The following GABRR1 variants were observed in gnomAD, a reference collection of about 807,000 sequenced individuals.
GABRR1 encodes the protein gamma-aminobutyric acid type A receptor subunit rho1.
GABRR1 carries 59 observed loss-of-function variants against 55.5 expected under a neutral mutation model. The observed-to-expected ratio is 1.06, with a 90% confidence interval of 0.86 to 1.32. The LOEUF (loss-of-function observed/expected upper bound fraction) is 1.32. Ranked by LOEUF, GABRR1 falls within the 40% of genes most tolerant of loss-of-function variation. The pLI is 0.00. For synonymous variants in GABRR1, 213 were observed against 226.0 expected (o/e 0.94, Z 0.51); for missense variants, 602 against 619.1 (o/e 0.97, Z 0.29).
intron 4 of GABRR1, 141 bp downstream of exon 4, chr6:89,199,221 G>C: frequency 1.3e-6 from 1 of 743,880 alleles, no homozygotes; most frequent in Non-Finnish European, 2.4e-6. Context: ...AAATCTTCCT[G>C]AGCCATCTGA....
At chr6:89,231,267 T>G (rs1304979468) in exon 1 of GABRR1, 1 of 153,802 alleles carries the variant, frequency 6.5e-6, no homozygotes. Context: ...CTGTTCCTAT[T>G]CGGCCATCTT....
In GABRR1 at chr6:89,179,021, G is replaced by C. The variant is rs1771630635; in HGVS notation, c.1189C>G (p.Leu397Val). The change falls in exon 10 of 10, where the codon CTG becomes GTG. Residue 397 changes from leucine (L) to valine (V), a missense_variant. Coordinates refer to ENST00000454853, the MANE Select transcript of GABRR1 (RefSeq NM_002042.5). ...SGLPPPRTAM[L>V]DGNYSDGEVN... ...TCCCCATCACTGTAGTTGCCGTCCA[G>C]CATCGCAGTGCGGGGCGGAGGTAAT... 4 of 1,614,034 alleles carry C rather than the reference G, an allele frequency of 2.5e-6. No individual in the cohort carries two copies. The African/African-American group carries it at 5.3e-5, about 22-fold the overall frequency.
At chr6:89,187,400 A>T (rs1430627028) in intron 6 of GABRR1, among the ~76,000 whole-genome samples, 1 of 152,202 alleles carries the variant, frequency 6.6e-6, no homozygotes, top group Non-Finnish European at 1.5e-5. Context: ...TTATGGTAGG[A>T]TACATCATTT....
chr6:89,184,042 C>T (rs1234586421), intron 7 of GABRR1, among the ~76,000 whole-genome samples: 1 of 152,078 alleles, frequency 6.6e-6, no homozygotes, highest in African/African-American at 2.4e-5. Flanking sequence ...GAGTTCAAGA[C>T]CAGCCTGGCC....
intron 6 of GABRR1, among the ~76,000 whole-genome samples, 169 bp downstream of exon 6, chr6:89,189,996 A>T (rs111537920): frequency 0.012 from 1,800 of 152,230 alleles, 27 homozygotes; most frequent in Non-Finnish European, 0.015. Context: ...CAGTGAGCAG[A>T]GACTGCGCCA....
chr6:89,212,318 C>T (rs1772852293), intron 1 of GABRR1, among the ~76,000 whole-genome samples: 1 of 103,108 alleles, frequency 9.7e-6, no homozygotes, highest in South Asian at 3.7e-4. Flanking sequence ...TTTGCACCAG[C>T]TCTTACCTGG....
chr6:89,217,400 T>A (rs531252978), upstream of GABRR1: 1 of 1,514,734 alleles, frequency 6.6e-7, no homozygotes, highest in African/African-American at 1.4e-5. Context: ...TAAGACATTA[T>A]TGGTCTGTTC....
At chr6:89,206,982 C>A (rs1006837370) in intron 1 of GABRR1, among the ~76,000 whole-genome samples, 11 of 151,766 alleles carry the variant, frequency 7.2e-5, no homozygotes, top group African/African-American at 2.7e-4. Context: ...AGACAGGTAC[C>A]AAATATGGAA....
rs1771582277 is a variant in GABRR1 at position 89,177,554 on chromosome 6, T to C, written c.*1216A>G. On this transcript the variant is annotated 3_prime_UTR_variant, in exon 10 of 10. Coordinates refer to ENST00000454853, the MANE Select transcript of GABRR1 (RefSeq NM_002042.5). ...AGTGAGTTTCAAATAAAACAAATGC[T>C]GTTTGGGTAAGTTTGGTGGAGGTTG... is the stretch of plus-strand genomic sequence containing the variant. 1 of 152,170 alleles carries C rather than the reference T, an allele frequency of 6.6e-6. No homozygotes were observed. Among genetic ancestry groups the C allele is most frequent in the African/African-American group, 2.4e-5 (1 of 41,458 alleles). The allele number at this position is 152,170 out of a possible 1,614,324, so 9.4% of individuals were successfully genotyped here. A position where few individuals can be genotyped will look rare whatever the true frequency, so the allele number is the denominator to read the frequency against.
At chr6:89,200,473 T>C (rs1286809395) in intron 3 of GABRR1, among the ~76,000 whole-genome samples, 5 of 152,022 alleles carry the variant, frequency 3.3e-5, no homozygotes, top group Admixed American at 6.6e-5. Flanking sequence ...GGTCTCGAAC[T>C]CCTGAGCTCA....
chr6:89,225,354 G>A (rs1225786053), intron 1 of GABRR1, among the ~76,000 whole-genome samples: 8 of 139,722 alleles, frequency 5.7e-5, no homozygotes, highest in African/African-American at 1.6e-4. Context: ...ATGCTGGTGC[G>A]CTGCACCCAC....
At chr6:89,207,270 C>T (rs1412101474) in intron 1 of GABRR1, among the ~76,000 whole-genome samples, 1 of 152,134 alleles carries the variant, frequency 6.6e-6, no homozygotes, top group Non-Finnish European at 1.5e-5. Flanking sequence ...TCTCAGCTCA[C>T]TGCAGCCTTG....
chr6:89,206,946 A>C (rs1283518686), intron 1 of GABRR1, among the ~76,000 whole-genome samples: 3 of 152,074 alleles, frequency 2.0e-5, no homozygotes, highest in African/African-American at 7.2e-5. Flanking sequence ...GTAAAACCTT[A>C]GCAGTGTGCA....
chr6:89,230,616 C>G (rs1401299455), intron 1 of GABRR1, among the ~76,000 whole-genome samples: 2 of 151,650 alleles, frequency 1.3e-5, no homozygotes, highest in East Asian at 1.9e-4. Flanking sequence ...GGCAGTCTGC[C>G]GGTTCTCAGA....
At chr6:89,217,386 C>T (rs1773021537), upstream of GABRR1, 3 of 1,562,188 alleles carry the variant, frequency 1.9e-6, no homozygotes, top group Admixed American at 1.9e-5. Context: ...TTCTTTTTCT[C>T]TCTTAAGACA....
intron 5 of GABRR1, among the ~76,000 whole-genome samples, chr6:89,197,408 G>A (rs1432618484): frequency 1.3e-5 from 2 of 152,194 alleles, no homozygotes. Context: ...TAAAGTTCCT[G>A]TGCAGCCTGA....
intron 5 of GABRR1, among the ~76,000 whole-genome samples, chr6:89,194,289 T>C (rs1330897096): frequency 6.6e-6 from 1 of 152,098 alleles, no homozygotes; most frequent in African/African-American, 2.4e-5. Context: ...CTTCAGGACC[T>C]CCCCCATTCG....
chr6:89,203,581 T>A (rs1772549633), intron 1 of GABRR1, 96 bp from the exon 2 acceptor site: 1 of 876,548 alleles, frequency 1.1e-6, no homozygotes, highest in Non-Finnish European at 1.9e-6. Context: ...TTCAAATCTA[T>A]CCAGAATAAA....
At chr6:89,203,629 C>T (rs920560116) in intron 1 of GABRR1, 144 bp from the exon 2 acceptor site, 8 of 671,444 alleles carry the variant, frequency 1.2e-5, no homozygotes, top group Non-Finnish European at 1.8e-5. Flanking sequence ...AGATTCAATG[C>T]ATTCATTTAG....
Sources: gnomAD v4.1 joint callset for allele counts (sites outside exome capture counted in the v4.1 genomes callset) on GRCh38, gnomAD v4.1.1 for gene constraint, MANE v1.5 for transcripts, NCBI Gene and HGNC (gene_info 2026-07-23, HGNC 2026-07-21) for gene names.